The following NTM variants were observed in gnomAD, a reference collection of about 807,000 sequenced individuals.
NTM encodes the protein IgLON family member 2.
A neutral mutation model predicts 42.1 loss-of-function variants in NTM; 13 were observed. The observed-to-expected ratio is 0.31, with a 90% confidence interval of 0.20 to 0.49. NTM has a LOEUF of 0.49. NTM is among the 20% of genes least tolerant of loss of function. NTM has a pLI of 0.99. For synonymous variants in NTM, 187 were observed against 179.2 expected, an observed-to-expected ratio of 1.04 and a Z score of -0.35; for missense variants, 373 against 452.8, an observed-to-expected ratio of 0.82 and a Z score of 1.60.
chr11:131,498,064 C>T (rs932104222), intron 1 of NTM, among the ~76,000 whole-genome samples: 3 of 152,194 alleles, frequency 2.0e-5, no homozygotes, highest in Admixed American at 6.5e-5. Flanking sequence ...GTGTTCTCTC[C>T]GTTTCTCCAT....
chr11:131,892,680 C>T (rs1019595134), intron 1 of NTM, among the ~76,000 whole-genome samples: 4 of 152,234 alleles, frequency 2.6e-5, no homozygotes, highest in African/African-American at 4.8e-5. Context: ...CTGCTGCCTC[C>T]AAGCTCATCA....
chr11:132,270,019 T>C (rs1421390983), intron 4 of NTM, among the ~76,000 whole-genome samples: 1 of 152,190 alleles, frequency 6.6e-6, no homozygotes, highest in East Asian at 1.9e-4. Flanking sequence ...CATGTCTCTT[T>C]ACATTTCTTT....
intron 4 of NTM, among the ~76,000 whole-genome samples, chr11:132,291,073 T>C (rs1055879551): frequency 1.1e-4 from 16 of 152,314 alleles, no homozygotes; most frequent in African/African-American, 3.1e-4. Context: ...TGGTATCGTA[T>C]GGCCTGGTAT....
At chr11:132,062,847 T>C (rs753263296) in intron 2 of NTM, among the ~76,000 whole-genome samples, 4 of 152,116 alleles carry the variant, frequency 2.6e-5, no homozygotes, top group Non-Finnish European at 4.4e-5. Context: ...TGGAGTAAAT[T>C]ATACAAAGAA....
In NTM at chr11:132,187,247, G is replaced by A. The variant is rs894652988; in HGVS notation, c.401-24775G>A. On this transcript the variant is annotated intron_variant, in intron 3 of 8. Transcript: ENST00000683400. ...TGTGTGTGTGTGTGTGTGTGTGTGT[G>A]CGTGTGCGTGTTTTAAGGATTGAAT... Among the ~76,000 whole-genome samples, 214 of 147,500 alleles carry A rather than the reference G, an allele frequency of 1.5e-3. 1 individual carries two copies. The highest frequency in any genetic ancestry group is 2.5e-3 in the Non-Finnish European group (167 of 65,920).
At position 131,789,475 on chromosome 11, in the gene NTM, GAA is replaced by G. The variant is rs1167349898; in HGVS notation, c.83-122088_83-122087del. Among the ~76,000 whole-genome samples, 54 of 11,880 alleles carry G rather than the reference GAA, an allele frequency of 4.5e-3. 4 individuals carry two copies. Among genetic ancestry groups the G allele is most frequent in the East Asian group, 0.013 (7 of 534 alleles). The allele number at this position is 11,880 out of a possible 152,430, so 7.8% of individuals were successfully genotyped here. On this transcript the variant is annotated intron_variant, in intron 1 of 8. Transcript: ENST00000683400. ...AGAAGAAGAAGAAGAAGAAGAAGAA[GAA>G]GAAGAAGAAGAAGAGGAAAGAAGAA...
Position 132,289,655 on chromosome 11 carries a change from A to G in NTM, c.527-18034A>G, listed in dbSNP as rs180772059. Among the ~76,000 whole-genome samples the G allele has an allele frequency of 2.7e-3, 404 of 152,352 alleles. 2 individuals carry two copies. Among genetic ancestry groups the G allele is most frequent in the Middle Eastern group, 0.017 (5 of 294 alleles). The stretch of plus-strand genomic sequence containing the variant: ...GAGAAGAAAGAGAAGAAAAAATGTA[A>G]TAGGTATTCCTCTACACTTTTCAGA... On this transcript the variant is annotated intron_variant, in intron 4 of 8. Transcript: ENST00000683400.
intron 3 of NTM, among the ~76,000 whole-genome samples, chr11:132,165,626 A>G (rs1347331931): frequency 6.6e-6 from 1 of 152,158 alleles, no homozygotes; most frequent in Non-Finnish European, 1.5e-5. Context: ...TAGGTGAGGA[A>G]ACTGAGGCTC....
At chr11:131,420,675 C>T (rs1050002278) in intron 1 of NTM, among the ~76,000 whole-genome samples, 2 of 152,168 alleles carry the variant, frequency 1.3e-5, no homozygotes, top group African/African-American at 4.8e-5. Flanking sequence ...TGGCTCTTTC[C>T]CTTCTGCAGA....
intron 1 of NTM, among the ~76,000 whole-genome samples, chr11:131,866,093 GCA>G (rs772583516): frequency 0.012 from 1,524 of 129,538 alleles, 39 homozygotes; most frequent in African/African-American, 0.038. Flanking sequence ...CATGCTACAT[GCA>G]CACACACACA....
intron 1 of NTM, chr11:131,671,380 G>A (rs1392608999): frequency 1.0e-6 from 1 of 970,332 alleles, no homozygotes; most frequent in Non-Finnish European, 1.2e-6. Context: ...AGGGACACCT[G>A]TCTCCATCCT....
intron 2 of NTM, among the ~76,000 whole-genome samples, chr11:132,114,242 G>A (rs932292357): frequency 6.6e-6 from 1 of 152,178 alleles, no homozygotes; most frequent in African/African-American, 2.4e-5. Context: ...GTTGTTCAAG[G>A]CATGTATCAA....
intron 1 of NTM, chr11:131,534,518 T>C (rs1208216765): frequency 6.6e-6 from 1 of 152,220 alleles, no homozygotes; most frequent in Non-Finnish European, 1.5e-5. Flanking sequence ...TAACATTAAA[T>C]AGGGCAGGAT....
rs140840007 is a variant in NTM, at chr11:131,665,195, G to A, written c.83-246369G>A. Reference sequence around the variant, plus strand: ...ACATCCTTCCCACGCCTCATCTCTGGAGTGAGTTATCTTAATCCTGACATT... The same window carrying A: ...ACATCCTTCCCACGCCTCATCTCTGAAGTGAGTTATCTTAATCCTGACATT... On this transcript the variant is annotated intron_variant, in intron 1 of 8. Transcript: ENST00000683400. Among the ~76,000 whole-genome samples, 528 of 152,268 alleles carry A rather than the reference G, an allele frequency of 3.5e-3. 3 individuals carry two copies. The highest frequency in any genetic ancestry group is 0.012 in the African/African-American group (498 of 41,556).
At chr11:131,406,039 C>T (rs932188433) in intron 1 of NTM, among the ~76,000 whole-genome samples, 12 of 152,286 alleles carry the variant, frequency 7.9e-5, no homozygotes, top group African/African-American at 2.6e-4. Context: ...TGTGTAACTT[C>T]CTGCAACTTT....
intron 2 of NTM, among the ~76,000 whole-genome samples, chr11:132,080,183 G>T (rs2058855928): frequency 2.1e-5 from 2 of 97,092 alleles, no homozygotes. Flanking sequence ...TATCATGAAA[G>T]AATGCTGAAA....
At chr11:131,783,337 A>T (rs531818540) in intron 1 of NTM, among the ~76,000 whole-genome samples, 7 of 152,180 alleles carry the variant, frequency 4.6e-5, no homozygotes, top group Non-Finnish European at 8.8e-5. Context: ...TCAATAAAAA[A>T]GAAGAGACAG....
intron 2 of NTM, among the ~76,000 whole-genome samples, chr11:132,031,913 GGCC>G (rs1374581590): frequency 1.3e-5 from 2 of 151,958 alleles, no homozygotes; most frequent in Admixed American, 1.3e-4. Context: ...CATGCTCAAA[GGCC>G]CTCCCACTCA....
chr11:131,871,339 C>G (rs1269268026), intron 1 of NTM, among the ~76,000 whole-genome samples: 5 of 152,166 alleles, frequency 3.3e-5, no homozygotes, highest in South Asian at 2.1e-4. Flanking sequence ...TATTCTGCTT[C>G]ATATATATTT....
Sources: allele counts gnomAD v4.1 joint callset (sites outside exome capture counted in the v4.1 genomes callset), GRCh38; gene constraint gnomAD v4.1.1; transcripts MANE v1.5; gene names NCBI Gene and HGNC (gene_info 2026-07-23, HGNC 2026-07-21).